Variants in CELF2 observed in about 807,000 individuals in gnomAD.
CELF2 encodes CUGBP Elav-like family member 2.
In CELF2, 8 loss-of-function variants were observed where a neutral mutation model predicts 62.6. That is an observed-to-expected ratio of 0.13 (90% CI 0.07 to 0.23). The LOEUF is 0.23. Ranked by LOEUF, CELF2 falls within the 10% of genes least tolerant of loss-of-function variation. CELF2 has a pLI of 1.00. For synonymous variants in CELF2, 258 were observed against 250.0 expected (o/e 1.03, Z -0.30); for missense variants, 333 against 671.0 (o/e 0.50, Z 5.56).
At chr10:10,730,776 C>T in the CELF2 span, among the ~76,000 whole-genome samples, 1 of 152,086 alleles carries the variant, frequency 6.6e-6, no homozygotes, top group African/African-American at 2.4e-5. Flanking sequence ...AGGGAAGCAC[C>T]CAGGTCACTT....
chr10:11,013,148 C>T (rs1190077152), upstream of CELF2, among the ~76,000 whole-genome samples: 1 of 152,192 alleles, frequency 6.6e-6, no homozygotes, highest in Non-Finnish European at 1.5e-5. The surrounding 1 kb of genome is among the most constrained non-coding windows in gnomAD (Gnocchi z 4.1). Flanking sequence ...AGATGAGCAA[C>T]CCACGGCTCC....
intron 2 of CELF2, among the ~76,000 whole-genome samples, chr10:11,175,449 T>C (rs142425810): frequency 1.3e-5 from 2 of 152,350 alleles, no homozygotes; most frequent in East Asian, 3.9e-4. Context: ...TATATATAGA[T>C]AAGTTCTTTC....
intron 1 of CELF2, among the ~76,000 whole-genome samples, chr10:11,129,990 G>T (rs887267798): frequency 1.3e-5 from 2 of 152,168 alleles, no homozygotes; most frequent in African/African-American, 4.8e-5. Context: ...GATCTTTCCT[G>T]CTTTCTCTTG....
intron 1 of CELF2, among the ~76,000 whole-genome samples, chr10:11,129,988 C>T (rs1429362005): frequency 6.6e-6 from 1 of 152,140 alleles, no homozygotes; most frequent in Non-Finnish European, 1.5e-5. Flanking sequence ...TAGATCTTTC[C>T]TGCTTTCTCT....
chr10:10,483,986 TCCCTCCCTCC>T, the CELF2 span, among the ~76,000 whole-genome samples: 1 of 70,558 alleles, frequency 1.4e-5, no homozygotes, highest in Non-Finnish European at 2.8e-5. Flanking sequence ...TGTCCCTCCC[TCCCTCCCTCC>T]CCCGCTTTCT....
At chr10:10,648,629 GTTC>G in the CELF2 span, among the ~76,000 whole-genome samples, 1 of 152,170 alleles carries the variant, frequency 6.6e-6, no homozygotes, top group Non-Finnish European at 1.5e-5. Context: ...GATAGATCGT[GTTC>G]TGGAAGCAAT....
chr10:10,918,809 G>A (rs1204627922), intron 1 of CELF2, among the ~76,000 whole-genome samples: 2 of 152,074 alleles, frequency 1.3e-5, no homozygotes, highest in South Asian at 2.1e-4. Flanking sequence ...ATTCTTAAAG[G>A]GGTTATATGA....
intron 1 of CELF2, among the ~76,000 whole-genome samples, chr10:11,077,073 AC>A (rs1391731231): frequency 6.6e-6 from 1 of 152,168 alleles, no homozygotes; most frequent in African/African-American, 2.4e-5. Context: ...CCCCTATAAA[AC>A]GGTGATTTCC....
chr10:10,543,546 T>C, the CELF2 span, among the ~76,000 whole-genome samples: 2 of 152,134 alleles, frequency 1.3e-5, no homozygotes, highest in Non-Finnish European at 2.9e-5. Context: ...GTGCACATTA[T>C]GATAAAAGCA....
intron 1 of CELF2, among the ~76,000 whole-genome samples, chr10:11,079,839 TG>T (rs2141339843): frequency 6.6e-6 from 1 of 150,600 alleles, no homozygotes; most frequent in East Asian, 2.0e-4. Flanking sequence ...TGCCATCACC[TG>T]GCAGTATCAT....
intron 4 of CELF2, among the ~76,000 whole-genome samples, chr10:11,257,056 A>C (rs888580238): frequency 6.6e-6 from 1 of 152,100 alleles, no homozygotes; most frequent in African/African-American, 2.4e-5. Context: ...AGCGGTAACT[A>C]ACCTGGCTGC....
chr10:11,048,151 T>G (rs191496227), intron 1 of CELF2, among the ~76,000 whole-genome samples: 4 of 152,210 alleles, frequency 2.6e-5, no homozygotes, highest in African/African-American at 4.8e-5. Flanking sequence ...GTAGCTTTTC[T>G]CAGTCACTAG....
chr10:11,291,572 A>G (rs1447621976), intron 9 of CELF2, among the ~76,000 whole-genome samples: 1 of 152,258 alleles, frequency 6.6e-6, no homozygotes, highest in Non-Finnish European at 1.5e-5. Flanking sequence ...AGGTAAGTGC[A>G]TATTATGCCT....
intron 1 of CELF2, among the ~76,000 whole-genome samples, chr10:11,055,609 A>T (rs2065058035): frequency 6.6e-6 from 1 of 152,218 alleles, no homozygotes; most frequent in South Asian, 2.1e-4. Context: ...ATTCGTTCTA[A>T]ACCTGATATT....
At chr10:10,537,058 G>A in the CELF2 span, among the ~76,000 whole-genome samples, 7,739 of 152,234 alleles carry the variant, frequency 0.051, 226 homozygotes, top group African/African-American at 0.057. Context: ...TGCCACTGCC[G>A]GAGTAAAATG....
chr10:10,671,491 T>G, the CELF2 span, among the ~76,000 whole-genome samples: 2 of 152,138 alleles, frequency 1.3e-5, no homozygotes, highest in African/African-American at 2.4e-5. Context: ...ATGTGTATAG[T>G]TTTGCGGGAA....
intron 8 of CELF2, among the ~76,000 whole-genome samples, chr10:11,283,774 A>G (rs2089881595): frequency 6.8e-6 from 1 of 148,004 alleles, no homozygotes; most frequent in African/African-American, 2.5e-5. Context: ...AATCAGTGCC[A>G]GATCATAGAT....
the CELF2 span, among the ~76,000 whole-genome samples, chr10:10,749,299 C>T: frequency 6.6e-6 from 1 of 152,168 alleles, no homozygotes; most frequent in South Asian, 2.1e-4. Flanking sequence ...GGCTTCATTA[C>T]AGAAGGCATA....
chr10:11,225,127 A>C (rs2066063924), intron 3 of CELF2, among the ~76,000 whole-genome samples: 1 of 151,578 alleles, frequency 6.6e-6, no homozygotes. Context: ...TAATGAAGGA[A>C]TATTTCAGGC....
Sources: gnomAD v4.1 joint callset for allele counts (sites outside exome capture counted in the v4.1 genomes callset) on GRCh38, gnomAD v4.1.1 for gene constraint, Gnocchi (gnomAD v3.1) non-coding constraint, MANE v1.5 for transcripts, NCBI Gene and HGNC (gene_info 2026-07-23, HGNC 2026-07-21) for gene names.